Variants in ACOXL observed in about 807,000 individuals in gnomAD.
ACOXL encodes acyl-CoA oxidase like, also known as acyl-coenzyme A oxidase-like protein.
Under a neutral mutation model 71.9 loss-of-function variants are expected in ACOXL, and 70 were observed. The ratio of observed to expected loss-of-function variants is 0.97; its 90% CI spans 0.80 to 1.19. The LOEUF (loss-of-function observed/expected upper bound fraction) is 1.19, where lower values mean the gene tolerates loss of function less well. Ranked by LOEUF, ACOXL falls within the 50% of genes most tolerant of loss-of-function variation. The pLI, the probability that ACOXL is intolerant of heterozygous loss-of-function variation, is 0.00. For synonymous variants in ACOXL, 253 were observed against 281.6 expected, an observed-to-expected ratio of 0.90 and a Z score of 1.02; for missense variants, 703 against 736.3, an observed-to-expected ratio of 0.95 and a Z score of 0.52.
chr2:110,748,472 C>G (rs1253625304), intron 1 of ACOXL, among the ~76,000 whole-genome samples: 1 of 152,142 alleles, frequency 6.6e-6, no homozygotes, highest in Non-Finnish European at 1.5e-5. Context: ...GTAGACTTTG[C>G]CAATTAGCAG....
chr2:110,873,795 A>G (rs553826871), intron 10 of ACOXL, among the ~76,000 whole-genome samples: 1 of 152,290 alleles, frequency 6.6e-6, no homozygotes, highest in Non-Finnish European at 1.5e-5. Flanking sequence ...ACGTCTGTCC[A>G]GTAGGGCAGG....
intron 10 of ACOXL, among the ~76,000 whole-genome samples, chr2:110,868,220 A>G (rs1424816455): frequency 1.3e-5 from 2 of 152,264 alleles, no homozygotes; most frequent in African/African-American, 4.8e-5. Flanking sequence ...TGAGAACCAC[A>G]CTATGAAGCG....
chr2:110,864,118 C>T (rs111392860), intron 10 of ACOXL, among the ~76,000 whole-genome samples: 7 of 152,282 alleles, frequency 4.6e-5, no homozygotes, highest in African/African-American at 1.2e-4. Context: ...AGATGATCAA[C>T]GTTTCAGCAG....
At chr2:110,996,561 G>A (rs548014436) in intron 14 of ACOXL, among the ~76,000 whole-genome samples, 7 of 152,186 alleles carry the variant, frequency 4.6e-5, no homozygotes, top group Non-Finnish European at 7.4e-5. Context: ...CTTCTGATCC[G>A]GCACAGAATA....
chr2:111,033,832 A>G (rs2065387424), intron 15 of ACOXL, among the ~76,000 whole-genome samples: 1 of 152,226 alleles, frequency 6.6e-6, no homozygotes, highest in East Asian at 1.9e-4. Context: ...CTGGGCCCCT[A>G]TGTACTGACC....
At chr2:110,907,131 A>G (rs1304117230) in intron 10 of ACOXL, among the ~76,000 whole-genome samples, 1 of 152,236 alleles carries the variant, frequency 6.6e-6, no homozygotes, top group East Asian at 1.9e-4. Flanking sequence ...AAGTCAAGGC[A>G]CTGACAGGTC....
intron 14 of ACOXL, among the ~76,000 whole-genome samples, chr2:111,020,985 C>A (rs2064730001): frequency 6.6e-6 from 1 of 152,214 alleles, no homozygotes; most frequent in Admixed American, 6.5e-5. Context: ...TGCCATCGAT[C>A]ACTTTGGCAT....
At chr2:111,087,288 A>G (rs2068262326) in intron 16 of ACOXL, among the ~76,000 whole-genome samples, 1 of 152,240 alleles carries the variant, frequency 6.6e-6, no homozygotes, top group South Asian at 2.1e-4. Flanking sequence ...TCTTCACAGA[A>G]GTAGGGAAAG....
intron 14 of ACOXL, among the ~76,000 whole-genome samples, chr2:111,019,147 C>T (rs1433014114): frequency 1.3e-5 from 2 of 152,180 alleles, no homozygotes; most frequent in Admixed American, 1.3e-4. Flanking sequence ...ATTATTGAAA[C>T]AAGATCTTTC....
chr2:110,781,800 A>G (rs1437957406), intron 2 of ACOXL, among the ~76,000 whole-genome samples: 1 of 152,188 alleles, frequency 6.6e-6, no homozygotes, highest in Non-Finnish European at 1.5e-5. Flanking sequence ...CAGAGGAAAG[A>G]CAGCTCAGAC....
chr2:110,968,611 TAAA>T, intron 12 of ACOXL: 1 of 923,720 alleles, frequency 1.1e-6, no homozygotes, highest in Non-Finnish European at 1.6e-6. Flanking sequence ...AGAAAGAAGT[TAAA>T]AAGAAGAGGT....
At chr2:110,733,158 G>A (rs1174933683) in intron 1 of ACOXL, 1 of 152,546 alleles carries the variant, frequency 6.6e-6, no homozygotes, top group African/African-American at 2.4e-5. Context: ...TCCCACCCTT[G>A]GTGGGGAGAA....
At chr2:110,891,046 G>A (rs1318853923) in intron 10 of ACOXL, among the ~76,000 whole-genome samples, 4 of 140,496 alleles carry the variant, frequency 2.8e-5, no homozygotes, top group African/African-American at 1.0e-4. Context: ...TATTATAAAT[G>A]GAATTGCTTT....
rs118089695 is a variant in ACOXL, at chr2:111,022,361, A to G, written c.1282-9266A>G. On this transcript the variant is annotated intron_variant, in intron 14 of 17. Transcript: ENST00000439055. ...GCCTAGGTGACAAGAGCGAAACTCC[A>G]TATCAAAAAAAAGAAAAAGAAAAAT... Among the ~76,000 whole-genome samples, 5 of 152,154 alleles carry G rather than the reference A, an allele frequency of 3.3e-5. No homozygotes were observed. The East Asian group carries it at 9.7e-4, about 29-fold the overall frequency.
At chr2:110,963,772 T>TAAAG in intron 12 of ACOXL, 1 of 1,599,342 alleles carries the variant, frequency 6.3e-7, no homozygotes, top group African/African-American at 1.3e-5. Flanking sequence ...AAGTGTTTCA[T>TAAAG]ATATTTTATC....
chr2:111,108,404 G>A (rs183488963), intron 17 of ACOXL, among the ~76,000 whole-genome samples: 82 of 96,766 alleles, frequency 8.5e-4, no homozygotes, highest in African/African-American at 3.3e-3. Context: ...TGGAGACAGA[G>A]TTTCACTCTT....
chr2:111,117,769 C>T lies in ACOXL; in HGVS notation c.1696C>T (p.Arg566Trp), dbSNP rs756959944. ...FYPAPLQPRP[R>W]EEARSRRPKL... ...CCCTGCACCGCTGCAGCCGCGGCCA[C>T]GGGAAGAGGCGCGCTCCCGGCGGCC... The change falls in exon 18 of 18, where the codon CGG becomes TGG. Residue 566 changes from arginine (R) to tryptophan (W), a missense_variant. Arg to Trp is a moderately radical substitution (Grantham distance 101). Transcript: ENST00000439055. 7.4e-5 allele frequency: 115 copies of T among 1,551,124 alleles called. No individual in the cohort carries two copies. Among genetic ancestry groups the T allele is most frequent in the Non-Finnish European group, 9.7e-5 (111 of 1,146,890 alleles).
chr2:110,801,697 G>T lies in ACOXL; in HGVS notation c.593G>T (p.Arg198Leu). 13 of 1,614,030 alleles carry T rather than the reference G, an allele frequency of 8.1e-6. No individual in the cohort carries two copies. The highest frequency in any genetic ancestry group is 1.1e-5 in the Non-Finnish European group (13 of 1,179,970). ...DNGILIFDKV[R>L]IPRENLLDKF... Reference sequence around the variant, plus strand: ...GGGATATTAATATTTGACAAGGTTCGGATACCCAGGGAGAACCTGCTGGAT... The same window carrying T: ...GGGATATTAATATTTGACAAGGTTCTGATACCCAGGGAGAACCTGCTGGAT... The change falls in exon 8 of 18, where the codon CGG (arginine) becomes CTG (leucine). Residue 198 changes from arginine (R) to leucine (L), a missense_variant. Physicochemically the swap from Arg to Leu is moderately radical, Grantham distance 102. Coordinates refer to ENST00000439055, the MANE Select transcript of ACOXL (RefSeq NM_001142807.4).
At chr2:111,004,698 A>G (rs2063791075) in intron 14 of ACOXL, among the ~76,000 whole-genome samples, 1 of 152,174 alleles carries the variant, frequency 6.6e-6, no homozygotes. Flanking sequence ...CCAGGAACCA[A>G]TAGGAAAAGG....
Sources: gnomAD v4.1 joint callset for allele counts (sites outside exome capture counted in the v4.1 genomes callset) on GRCh38, gnomAD v4.1.1 for gene constraint, MANE v1.5 for transcripts, NCBI Gene and HGNC (gene_info 2026-07-23, HGNC 2026-07-21) for gene names.